Variants in HAPSTR1 observed in about 807,000 individuals in gnomAD.
The protein encoded by HAPSTR1 is HUWE1 associated protein modifying stress responses.
At chr16:9,119,186 C>G in the HAPSTR1 span, 6 of 152,394 alleles carry the variant, frequency 3.9e-5, no homozygotes, top group Non-Finnish European at 5.9e-5. Context: ...CTTTCCCCGA[C>G]GCACAGAATA....
At chr16:9,101,126 T>C in the HAPSTR1 span, among the ~76,000 whole-genome samples, 1 of 152,228 alleles carries the variant, frequency 6.6e-6, no homozygotes, top group Non-Finnish European at 1.5e-5. Flanking sequence ...ATGACTTGAT[T>C]TCTCTTAATG....
chr16:9,111,229 A>G, the HAPSTR1 span: 3 of 152,226 alleles, frequency 2.0e-5, no homozygotes, highest in African/African-American at 7.2e-5. Flanking sequence ...TGCTTGTTGA[A>G]TGTTGCAGTC....
the HAPSTR1 span, chr16:9,093,052 A>G: frequency 2.0e-6 from 3 of 1,524,938 alleles, no homozygotes; most frequent in Non-Finnish European, 2.7e-6. Context: ...CGCCTGCGTC[A>G]GGGTGTCTGC....
chr16:9,104,587 C>T, the HAPSTR1 span: 1 of 152,156 alleles, frequency 6.6e-6, no homozygotes, highest in Non-Finnish European at 1.5e-5. Flanking sequence ...TCCTGAAACC[C>T]CAATGTTGTT....
chr16:9,105,168 G>A, the HAPSTR1 span: 1 of 152,166 alleles, frequency 6.6e-6, no homozygotes, highest in Non-Finnish European at 1.5e-5. Flanking sequence ...AACTTTGGGA[G>A]TTTTAAGCAA....
chr16:9,093,333 T>C, the HAPSTR1 span, among the ~76,000 whole-genome samples: 1 of 152,194 alleles, frequency 6.6e-6, no homozygotes, highest in African/African-American at 2.4e-5. Flanking sequence ...CGAAGAATTA[T>C]CATGCCCCTA....
chr16:9,119,052 CT>C, the HAPSTR1 span: 1 of 152,586 alleles, frequency 6.6e-6, no homozygotes, highest in South Asian at 2.1e-4. Context: ...GCCTTATTGG[CT>C]TCATTAAACT....
chr16:9,102,892 A>G, the HAPSTR1 span: 1 of 1,343,634 alleles, frequency 7.4e-7, no homozygotes, highest in Non-Finnish European at 1.0e-6. Context: ...CATGGTATTC[A>G]CTTTGGTTAA....
chr16:9,101,173 C>T, the HAPSTR1 span, among the ~76,000 whole-genome samples: 2 of 152,200 alleles, frequency 1.3e-5, no homozygotes, highest in African/African-American at 4.8e-5. Flanking sequence ...GTTTTAGGTA[C>T]AGCACTACAA....
the HAPSTR1 span, chr16:9,109,302 G>A: frequency 3.3e-5 from 5 of 152,130 alleles, no homozygotes; most frequent in Admixed American, 3.3e-4. Context: ...ATAATCATGA[G>A]GGTTAGGTGA....
the HAPSTR1 span, among the ~76,000 whole-genome samples, chr16:9,098,408 A>G: frequency 5.6e-3 from 860 of 152,358 alleles, 3 homozygotes; most frequent in Middle Eastern, 0.02. Flanking sequence ...AAGTAAATAC[A>G]TAAGTAGCTA....
the HAPSTR1 span, chr16:9,113,027 GTTTT>G: frequency 6.2e-5 from 8 of 128,304 alleles, no homozygotes; most frequent in African/African-American, 2.1e-4. Flanking sequence ...TGTTTTTTTT[GTTTT>G]TTTTTGTTTT....
chr16:9,093,554 G>T, the HAPSTR1 span, among the ~76,000 whole-genome samples: 1 of 152,228 alleles, frequency 6.6e-6, no homozygotes, highest in Non-Finnish European at 1.5e-5. Context: ...TTGCTAATCG[G>T]AGTCATCTGC....
At chr16:9,093,411 A>G in the HAPSTR1 span, among the ~76,000 whole-genome samples, 1 of 152,232 alleles carries the variant, frequency 6.6e-6, no homozygotes, top group African/African-American at 2.4e-5. Context: ...CCCTCTGGAA[A>G]AGACATTGAG....
At chr16:9,115,491 C>T in the HAPSTR1 span, among the ~76,000 whole-genome samples, 50 of 152,270 alleles carry the variant, frequency 3.3e-4, no homozygotes, top group African/African-American at 1.2e-3. Flanking sequence ...GTTTCCTGGC[C>T]TGACTCATAC....
At chr16:9,116,980 G>T in the HAPSTR1 span, 3 of 1,580,098 alleles carry the variant, frequency 1.9e-6, no homozygotes, top group Non-Finnish European at 2.6e-6. Flanking sequence ...TACTATAATT[G>T]CAAAGGAAAC....
chr16:9,117,407 G>A, the HAPSTR1 span: 8 of 155,904 alleles, frequency 5.1e-5, no homozygotes, highest in African/African-American at 1.9e-4. Flanking sequence ...TATAGTAACA[G>A]TGTGCAATTC....
the HAPSTR1 span, chr16:9,091,849 C>T: frequency 2.5e-6 from 1 of 405,466 alleles, no homozygotes; most frequent in Non-Finnish European, 4.2e-6. Context: ...GGGCGGGGGT[C>T]GTCCCTGGTT....
At chr16:9,092,585 C>G in the HAPSTR1 span, among the ~76,000 whole-genome samples, 2 of 152,162 alleles carry the variant, frequency 1.3e-5, no homozygotes, top group African/African-American at 2.4e-5. Flanking sequence ...GCCCCCGTCA[C>G]AAAATGGCGA....
Sources: gnomAD v4.1 joint callset for allele counts (sites outside exome capture counted in the v4.1 genomes callset) on GRCh38, gnomAD v4.1.1 for gene constraint, MANE v1.5 for transcripts, NCBI Gene and HGNC (gene_info 2026-07-23, HGNC 2026-07-21) for gene names.